The following DLGAP2 variants were observed in gnomAD, a reference collection of about 807,000 sequenced individuals.
DLGAP2 encodes the protein disks large-associated protein 2.
In DLGAP2, 26 loss-of-function variants were observed where a neutral mutation model predicts 100.3. The ratio of observed to expected loss-of-function variants is 0.26; its 90% CI spans 0.19 to 0.36. The LOEUF (loss-of-function observed/expected upper bound fraction) is 0.36, where lower values mean the gene tolerates loss of function less well. Ranked by LOEUF, DLGAP2 falls within the 10% of genes least tolerant of loss-of-function variation. The pLI, the probability that DLGAP2 is intolerant of heterozygous loss-of-function variation, is 1.00. For synonymous variants in DLGAP2, 886 were observed against 630.1 expected (o/e 1.41, Z -6.08); for missense variants, 1,858 against 1,453.2 (o/e 1.28, Z -4.53).
chr8:862,114 T>C (rs765716068), intron 1 of DLGAP2, among the ~76,000 whole-genome samples: 1 of 152,190 alleles, frequency 6.6e-6, no homozygotes, highest in Non-Finnish European at 1.5e-5. Context: ...CATGAGTTTA[T>C]GGTGGGGTCT....
chr8:801,646 C>T (rs1382239306), intron 1 of DLGAP2, among the ~76,000 whole-genome samples: 3 of 152,150 alleles, frequency 2.0e-5, no homozygotes, highest in Admixed American at 6.5e-5. Context: ...GGCTTTGAAA[C>T]ACCTGCTTCT....
Position 1,652,629 on chromosome 8 carries a change from T to C in DLGAP2, c.1811-15700T>C, listed in dbSNP as rs545278046. 3.2e-4 allele frequency among the ~76,000 whole-genome samples: 49 copies of C among 152,250 alleles called. 1 individual carries two copies. The South Asian group carries it at 7.9e-3, about 24-fold the overall frequency. On this transcript the variant is annotated intron_variant, in intron 8 of 14. Transcript: ENST00000637795. ...CACCTAGGAAGTGGTAGGCGGTCCG[T>C]AGATTTTTGGGGACATGTACATGGA...
At chr8:1,216,606 G>T (rs769340967) in intron 2 of DLGAP2, among the ~76,000 whole-genome samples, 1 of 151,984 alleles carries the variant, frequency 6.6e-6, no homozygotes, top group Non-Finnish European at 1.5e-5. Flanking sequence ...AAAGTGCTGA[G>T]ATTACAGGCA....
chr8:1,098,790 G>A (rs1243080369), intron 2 of DLGAP2, among the ~76,000 whole-genome samples: 2 of 129,986 alleles, frequency 1.5e-5, no homozygotes, highest in Non-Finnish European at 3.4e-5. Context: ...GCTCCCGGCC[G>A]CCCACGGACG....
intron 2 of DLGAP2, among the ~76,000 whole-genome samples, chr8:1,158,972 C>G (rs1796842602): frequency 6.6e-6 from 1 of 152,194 alleles, no homozygotes; most frequent in Non-Finnish European, 1.5e-5. Flanking sequence ...AGGTACAGAA[C>G]TTTGTATGTT....
At chr8:1,093,800 C>G (rs1804274437) in intron 2 of DLGAP2, among the ~76,000 whole-genome samples, 1 of 152,276 alleles carries the variant, frequency 6.6e-6, no homozygotes, top group South Asian at 2.1e-4. Flanking sequence ...CATCAGCCAT[C>G]ATGGGCAGGC....
At chr8:890,120 C>T (rs1307178436) in intron 1 of DLGAP2, among the ~76,000 whole-genome samples, 1 of 152,060 alleles carries the variant, frequency 6.6e-6, no homozygotes, top group African/African-American at 2.4e-5. Flanking sequence ...ACCTTGGCTG[C>T]CGGTGAAGGA....
intron 1 of DLGAP2, among the ~76,000 whole-genome samples, chr8:759,780 C>G (rs756896532): frequency 2.0e-5 from 3 of 152,190 alleles, no homozygotes; most frequent in Non-Finnish European, 2.9e-5. Context: ...TACCTCTTCC[C>G]CTCTCTCGAT....
intron 1 of DLGAP2, chr8:893,080 A>T (rs1368217485): frequency 6.6e-6 from 1 of 152,228 alleles, no homozygotes; most frequent in East Asian, 1.9e-4. Flanking sequence ...TTTGCCTTTT[A>T]CAAGATGACC....
At chr8:1,169,129 T>G (rs1797075958) in intron 2 of DLGAP2, among the ~76,000 whole-genome samples, 1 of 151,076 alleles carries the variant, frequency 6.6e-6, no homozygotes, top group South Asian at 2.1e-4. Flanking sequence ...CACCATTTAT[T>G]AAATAGGGAA....
chr8:1,410,832 AT>A (rs33928314), intron 3 of DLGAP2, among the ~76,000 whole-genome samples: 36,007 of 135,138 alleles, frequency 0.27, 4,425 homozygotes, highest in Middle Eastern at 0.4. Context: ...CTCTGGAGCC[AT>A]TTTTTTTTTT....
intron 2 of DLGAP2, among the ~76,000 whole-genome samples, chr8:1,040,299 G>A (rs1168185116): frequency 1.1e-4 from 17 of 148,540 alleles, no homozygotes; most frequent in Admixed American, 1.1e-3. Flanking sequence ...TCCGTGGTCA[G>A]CTCGGTGTGC....
At chr8:1,674,481 C>G (rs1377787272) in intron 10 of DLGAP2, among the ~76,000 whole-genome samples, 4 of 152,212 alleles carry the variant, frequency 2.6e-5, no homozygotes, top group East Asian at 1.9e-4. Flanking sequence ...ACCTCACACA[C>G]TGGTCAGAAT....
intron 1 of DLGAP2, among the ~76,000 whole-genome samples, chr8:755,603 G>A (rs1388181508): frequency 6.6e-6 from 1 of 152,210 alleles, no homozygotes; most frequent in African/African-American, 2.4e-5. Context: ...GCGTGAGTAG[G>A]AACGAGGGGC....
At chr8:827,904 G>C (rs1158700867) in intron 1 of DLGAP2, among the ~76,000 whole-genome samples, 1 of 152,148 alleles carries the variant, frequency 6.6e-6, no homozygotes, top group Non-Finnish European at 1.5e-5. Context: ...GTACAAAAGA[G>C]AGAAATTTTA....
intron 2 of DLGAP2, among the ~76,000 whole-genome samples, chr8:1,044,722 G>T (rs1802469326): frequency 6.6e-6 from 1 of 152,142 alleles, no homozygotes; most frequent in East Asian, 1.9e-4. Flanking sequence ...GCTACTCCTT[G>T]CCACATTTCA....
rs150424371 is a variant in DLGAP2 at position 1,095,692 on chromosome 8, G to A, written c.74-163159G>A. ...TATTGTCGGCTTTATCAGGTCCCAG[G>A]CCAAAACAGTCCCGTGCTGGAGAAG... On this transcript the variant is annotated intron_variant, in intron 2 of 14. Transcript: ENST00000637795. Among the ~76,000 whole-genome samples the A allele has an allele frequency of 3.2e-4, 48 of 152,240 alleles. 2 individuals are homozygous for A. The East Asian group carries it at 9.1e-3, about 29-fold the overall frequency.
intron 2 of DLGAP2, among the ~76,000 whole-genome samples, chr8:1,071,974 G>A (rs1425939561): frequency 3.9e-5 from 6 of 152,304 alleles, no homozygotes; most frequent in Admixed American, 6.5e-5. Context: ...GTGGTTTCTC[G>A]TCAGTGTGCT....
intron 1 of DLGAP2, among the ~76,000 whole-genome samples, chr8:895,655 C>T (rs1040183041): frequency 6.6e-6 from 1 of 152,126 alleles, no homozygotes; most frequent in African/African-American, 2.4e-5. Flanking sequence ...TTAGGGTTCA[C>T]GAGGTTTATG....
Sources: allele counts gnomAD v4.1 joint callset (sites outside exome capture counted in the v4.1 genomes callset), GRCh38; gene constraint gnomAD v4.1.1; transcripts MANE v1.5; gene names NCBI Gene and HGNC (gene_info 2026-07-23, HGNC 2026-07-21).